XPO6: variants seen among roughly 807,000 people sequenced by gnomAD.
XPO6 encodes the protein exportin-6.
Under a neutral mutation model 130.0 loss-of-function variants are expected in XPO6, and 3 were observed. The ratio of observed to expected loss-of-function variants is 0.02; its 90% CI spans 0.01 to 0.06. The LOEUF is 0.06. Among genes scored for constraint, XPO6 ranks in the 10% least tolerant of loss-of-function variants. The probability of loss-of-function intolerance (pLI) is 1.00; values close to 1 mark genes in which losing one functional copy is unlikely to be tolerated. For synonymous variants in XPO6, 524 were observed against 548.9 expected (o/e 0.95, Z 0.63); for missense variants, 970 against 1,393.0 (o/e 0.70, Z 4.83).
chr16:28,189,742 C>T (rs11866556), intron 1 of XPO6, among the ~76,000 whole-genome samples: 10,888 of 152,224 alleles, frequency 0.072, 1,237 homozygotes, highest in African/African-American at 0.24. Flanking sequence ...TTGTCTGCAG[C>T]TTAGATCTAG....
intron 5 of XPO6, 124 bp downstream of exon 5, chr16:28,169,626 C>T (rs991048624): frequency 1.6e-6 from 2 of 1,258,826 alleles, no homozygotes; most frequent in Admixed American, 4.3e-5. Flanking sequence ...GGGAACGCAG[C>T]TTCCCATTTT....
At chr16:28,149,598 T>C (rs558768494) in intron 8 of XPO6, among the ~76,000 whole-genome samples, 24 of 152,240 alleles carry the variant, frequency 1.6e-4, no homozygotes, top group Non-Finnish European at 2.1e-4. Flanking sequence ...TTCTACACAG[T>C]AGAATAGTAG....
intron 6 of XPO6, among the ~76,000 whole-genome samples, chr16:28,157,949 G>C (rs546050589): frequency 2.6e-5 from 4 of 152,336 alleles, no homozygotes; most frequent in South Asian, 2.1e-4. Context: ...ACAGGCGTGA[G>C]GGGGAGAGCT....
chr16:28,157,228 G>A (rs563424495), intron 6 of XPO6, among the ~76,000 whole-genome samples: 26 of 152,232 alleles, frequency 1.7e-4, no homozygotes, highest in African/African-American at 6.0e-4. Flanking sequence ...AGGCCGAGGC[G>A]GGTGGATTAC....
Position 28,211,762 on chromosome 16 carries a change from A to C in XPO6, c.-394T>G. On this transcript the variant is annotated 5_prime_UTR_variant, in exon 1 of 24. Coordinates refer to ENST00000304658, the MANE Select transcript of XPO6 (RefSeq NM_015171.4). The stretch of plus-strand genomic sequence containing the variant: ...GCGGCGGCCCCGGCCCCGAGGCTGA[A>C]CGGGCGGAGGCTGACAGGCCTCGAC... 1 of 318,328 alleles carries C rather than the reference A, an allele frequency of 3.1e-6. No individual in the cohort carries two copies. The highest frequency in any genetic ancestry group is 5.0e-5 in the East Asian group (1 of 20,124). The allele number at this position is 318,328 out of a possible 1,614,324, so 19.7% of individuals were successfully genotyped here.
rs371117435 is a variant in XPO6, at chr16:28,107,551, G to A, written c.2468C>T (p.Ala823Val). 6 of 1,614,206 alleles carry A rather than the reference G, an allele frequency of 3.7e-6. No individual in the cohort carries two copies. The highest frequency in any genetic ancestry group is 4.2e-6 in the Non-Finnish European group (5 of 1,180,034). ...SLQESVQVSL[A>V]LFPAFIHQSD... ...CTGATGGATAAAAGCTGGAAAGAGG[G>A]CCAGGGAGACCTGAACAGATTCCTG... Residue 823 changes from alanine (A) to valine (V), a missense_variant, in exon 18 of 24, where the codon GCC becomes GTC. Ala to Val is a moderately conservative substitution (Grantham distance 64). This residue lies in a region of XPO6 where 936 missense variants were observed against 1,306.8 expected (regional missense o/e 0.72). Coordinates refer to ENST00000304658, the MANE Select transcript of XPO6 (RefSeq NM_015171.4).
At chr16:28,155,312 T>C (rs1350216085) in intron 7 of XPO6, among the ~76,000 whole-genome samples, 1 of 152,212 alleles carries the variant, frequency 6.6e-6, no homozygotes, top group Non-Finnish European at 1.5e-5. Flanking sequence ...GTCAATCTGA[T>C]TGTTCATAAT....
At chr16:28,203,431 G>C (rs143207161) in intron 1 of XPO6, among the ~76,000 whole-genome samples, 1 of 152,224 alleles carries the variant, frequency 6.6e-6, no homozygotes, top group East Asian at 1.9e-4. Flanking sequence ...CATCTTCCTT[G>C]GCTTAGACAG....
At chr16:28,116,194 G>A (rs1226210768) in intron 15 of XPO6, among the ~76,000 whole-genome samples, 1 of 152,164 alleles carries the variant, frequency 6.6e-6, no homozygotes, top group African/African-American at 2.4e-5. Flanking sequence ...GGGCGCGGTG[G>A]CTCACGCCCG....
chr16:28,207,832 T>C (rs573408245), intron 1 of XPO6, among the ~76,000 whole-genome samples: 10 of 152,208 alleles, frequency 6.6e-5, no homozygotes, highest in Admixed American at 2.0e-4. Flanking sequence ...TGGTGGGGTT[T>C]ACTGATACTG....
At position 28,156,465 on chromosome 16, in the gene XPO6, G is replaced by T; in HGVS notation, c.706C>A (p.Pro236Thr). 1.2e-5 allele frequency: 20 copies of T among 1,608,084 alleles called. No homozygotes were observed. The highest frequency in any genetic ancestry group is 1.7e-5 in the Non-Finnish European group (20 of 1,175,440). ...TACTCACTCTCCACATCAAGGATGG[G>T]AATTGGCTGATTCAACAGTTTGGCT... The part of the protein sequence containing the change: ...SSAKLLNQPI[P>T]ILDVESEYIC... Residue 236 changes from proline to threonine, a missense_variant, in exon 7 of 24, where the codon CCC becomes ACC. Physicochemically the swap from Pro to Thr is conservative, Grantham distance 38 (BLOSUM62 -1). Coordinates refer to ENST00000304658, the MANE Select transcript of XPO6 (RefSeq NM_015171.4).
At chr16:28,126,763 GCAGGAACAGAGA>G in intron 12 of XPO6, 1 of 152,162 alleles carries the variant, frequency 6.6e-6, no homozygotes, top group South Asian at 2.1e-4. Context: ...TCAGAGACCT[GCAGGAACAGAGA>G]CCTGCAGGTC....
chr16:28,109,850 T>C (rs904703408), intron 17 of XPO6, among the ~76,000 whole-genome samples: 1 of 152,250 alleles, frequency 6.6e-6, no homozygotes, highest in Non-Finnish European at 1.5e-5. Context: ...TTTAATATCT[T>C]GTTCTATATA....
At chr16:28,173,306 T>C (rs892433818) in intron 4 of XPO6, among the ~76,000 whole-genome samples, 2 of 152,236 alleles carry the variant, frequency 1.3e-5, no homozygotes, top group Admixed American at 6.5e-5. Flanking sequence ...AAGGCTTATA[T>C]GCCATTGTCT....
chr16:28,203,379 C>T (rs1458965270), intron 1 of XPO6, among the ~76,000 whole-genome samples: 2 of 152,106 alleles, frequency 1.3e-5, no homozygotes, highest in African/African-American at 4.8e-5. Flanking sequence ...GGCAACCACA[C>T]TTTCAGGAAT....
chr16:28,144,233 CAT>C (rs1596869683), intron 9 of XPO6, among the ~76,000 whole-genome samples: 2 of 152,226 alleles, frequency 1.3e-5, no homozygotes, highest in Admixed American at 6.5e-5. Context: ...TATAATCACA[CAT>C]GTGACCTGAC....
At chr16:28,127,674 C>A (rs149627637) in intron 12 of XPO6, among the ~76,000 whole-genome samples, 1 of 152,300 alleles carries the variant, frequency 6.6e-6, no homozygotes, top group East Asian at 1.9e-4. Flanking sequence ...CTGAATGCCT[C>A]GATCCGCCAC....
chr16:28,112,928 G>A lies in XPO6; in HGVS notation c.2127C>T (p.Ala709=), dbSNP rs1167687173. The A allele has an allele frequency of 2.5e-6, 4 of 1,614,052 alleles. No individual in the cohort carries two copies. In the South Asian group the frequency reaches 4.4e-5, roughly 18 times the overall value. The change falls in exon 16 of 24, where the codon GCC becomes GCT. Residue 709 remains alanine, a synonymous_variant. Transcript: ENST00000304658. Reference sequence around the variant, plus strand: ...CCTTATCGACAAGTCGCAGGGCAGAGGCATCAGTGATTCTGTTGAATACTT... The same window carrying A: ...CCTTATCGACAAGTCGCAGGGCAGAAGCATCAGTGATTCTGTTGAATACTT... ...VQKVFNRITD[A]SALRLVDKAQ... is the part of the protein sequence containing the mutation.
chr16:28,127,218 C>T (rs1184296842), intron 12 of XPO6, among the ~76,000 whole-genome samples: 1 of 152,162 alleles, frequency 6.6e-6, no homozygotes, highest in African/African-American at 2.4e-5. Context: ...TGTCTCTGTG[C>T]CTCTGCCTAG....
Sources: allele counts gnomAD v4.1 joint callset (sites outside exome capture counted in the v4.1 genomes callset), GRCh38; gene constraint gnomAD v4.1.1; regional missense constraint gnomAD v4.1.1; transcripts MANE v1.5; gene names NCBI Gene and HGNC (gene_info 2026-07-23, HGNC 2026-07-21).